Variants in TNIK observed in about 807,000 individuals in gnomAD.
TNIK encodes TRAF2 and NCK interacting kinase.
TNIK carries 49 observed loss-of-function variants against 191.3 expected under a neutral mutation model. The ratio of observed to expected loss-of-function variants is 0.26; its 90% CI spans 0.20 to 0.32. The LOEUF is 0.32. Ranked by LOEUF, TNIK falls within the 10% of genes least tolerant of loss-of-function variation. The pLI is 1.00. For missense variants in TNIK, 1,155 were observed against 1,702.3 expected (o/e 0.68, Z 5.66); for synonymous variants, 594 against 600.9 (o/e 0.99, Z 0.17).
intron 1 of TNIK, among the ~76,000 whole-genome samples, chr3:171,458,368 A>T (rs1324740388): frequency 1.3e-5 from 2 of 152,124 alleles, no homozygotes; most frequent in Non-Finnish European, 2.9e-5. Flanking sequence ...TTGATGTGGC[A>T]TTTCCACTCC....
rs1294026006 is a variant in TNIK at position 171,457,733 on chromosome 3, T to C, written c.57+2274A>G. 2.0e-5 allele frequency among the ~76,000 whole-genome samples: 3 copies of C among 152,220 alleles called. No individual in the cohort carries two copies. In the East Asian group the frequency reaches 5.8e-4, roughly 29 times the overall value. ...TCTCCACATCTGCATCTAAGTCTTC[T>C]AGCCAGCAGTTCCTGGTCCCCAAGC... On this transcript the variant is annotated intron_variant, in intron 1 of 32. Transcript: ENST00000436636.
chr3:171,254,076 A>G (rs1281431222), intron 2 of TNIK, among the ~76,000 whole-genome samples: 2 of 152,222 alleles, frequency 1.3e-5, no homozygotes, highest in Non-Finnish European at 2.9e-5. Context: ...CCCAAAGTGC[A>G]AATGATTAAT....
At chr3:171,311,379 G>A (rs879523730) in intron 2 of TNIK, among the ~76,000 whole-genome samples, 5 of 152,154 alleles carry the variant, frequency 3.3e-5, no homozygotes, top group Non-Finnish European at 7.4e-5. Flanking sequence ...ACAAGCTCAC[G>A]AGTAAGCACC....
intron 1 of TNIK, among the ~76,000 whole-genome samples, chr3:171,426,214 AC>A (rs1724557879): frequency 6.6e-6 from 1 of 151,944 alleles, no homozygotes; most frequent in African/African-American, 2.4e-5. Flanking sequence ...ACCATGGAAT[AC>A]AATGCAGCCA....
At chr3:171,154,508 A>T (rs1732917329) in intron 12 of TNIK, among the ~76,000 whole-genome samples, 1 of 151,920 alleles carries the variant, frequency 6.6e-6, no homozygotes. Flanking sequence ...GAATGTGCTC[A>T]GCAATTTGAA....
intron 2 of TNIK, among the ~76,000 whole-genome samples, chr3:171,240,760 C>T (rs1577220227): frequency 6.6e-6 from 1 of 152,190 alleles, no homozygotes; most frequent in East Asian, 1.9e-4. Context: ...AACTTCAACT[C>T]CACTTTAACT....
chr3:171,079,380 A>G (rs1328290502), intron 28 of TNIK, 138 bp downstream of exon 28: 2 of 986,688 alleles, frequency 2.0e-6, no homozygotes, highest in Admixed American at 3.4e-5. Flanking sequence ...AATATAAATA[A>G]TGCTGAAGGT....
intron 2 of TNIK, among the ~76,000 whole-genome samples, chr3:171,335,161 T>C (rs1191072745): frequency 2.6e-5 from 4 of 152,236 alleles, no homozygotes; most frequent in African/African-American, 9.6e-5. Flanking sequence ...TTTATTCATA[T>C]TTCTATCCCC....
At chr3:171,105,837 A>G (rs1352505168) in intron 21 of TNIK, among the ~76,000 whole-genome samples, 1 of 152,158 alleles carries the variant, frequency 6.6e-6, no homozygotes, top group Non-Finnish European at 1.5e-5. Flanking sequence ...CAACTGTAGC[A>G]CCAGAACTTC....
chr3:171,460,192 C>G lies in TNIK; in HGVS notation c.-129G>C. 8.5e-7 allele frequency: 1 copy of G among 1,181,256 alleles called. No individual in the cohort carries two copies. The allele number at this position is 1,181,256 out of a possible 1,614,324, so 73.2% of individuals were successfully genotyped here. A position where few individuals can be genotyped will look rare whatever the true frequency, so the allele number is the denominator to read the frequency against. The stretch of plus-strand genomic sequence containing the variant: ...CCAGAGGCCCCGGGCCCAGCCTCCC[C>G]CGCCCACCCCAGCCCCACAGCGCCG... On this transcript the variant is annotated 5_prime_UTR_variant, in exon 1 of 33. Coordinates refer to ENST00000436636, the MANE Select transcript of TNIK (RefSeq NM_015028.4). The surrounding 1 kb of genome is among the most constrained non-coding windows in gnomAD (Gnocchi z 6.8).
chr3:171,458,010 C>T (rs1331273375), intron 1 of TNIK, among the ~76,000 whole-genome samples: 1 of 152,160 alleles, frequency 6.6e-6, no homozygotes, highest in Non-Finnish European at 1.5e-5. Flanking sequence ...AGGAAAAAGC[C>T]CATAAGGGAC....
At chr3:171,253,013 G>A (rs1052672949) in intron 2 of TNIK, among the ~76,000 whole-genome samples, 1 of 151,796 alleles carries the variant, frequency 6.6e-6, no homozygotes, top group Non-Finnish European at 1.5e-5. Flanking sequence ...ACAGTGGCTC[G>A]TGCCTGTAAT....
At chr3:171,170,410 G>T (rs78926800) in intron 9 of TNIK, among the ~76,000 whole-genome samples, 3 of 152,098 alleles carry the variant, frequency 2.0e-5, no homozygotes, top group Non-Finnish European at 2.9e-5. Flanking sequence ...CTCCCTAAAC[G>T]CAATTTGGCC....
chr3:171,211,327 CTTG>C (rs1740790826), intron 3 of TNIK, 86 bp from the exon 4 acceptor site: 3 of 1,426,142 alleles, frequency 2.1e-6, no homozygotes, highest in Non-Finnish European at 2.8e-6. Flanking sequence ...TAAATTTTTT[CTTG>C]TTTTTTCTTC....
At chr3:171,353,293 G>A (rs986441631) in intron 2 of TNIK, among the ~76,000 whole-genome samples, 1 of 152,144 alleles carries the variant, frequency 6.6e-6, no homozygotes, top group African/African-American at 2.4e-5. Flanking sequence ...GGTGTCAAAA[G>A]GTTGTGGGTT....
intron 1 of TNIK, among the ~76,000 whole-genome samples, chr3:171,394,889 A>G (rs1043427940): frequency 6.6e-6 from 1 of 152,202 alleles, no homozygotes; most frequent in African/African-American, 2.4e-5. Context: ...ACAGTCTCGC[A>G]CCTAAGATTC....
intron 1 of TNIK, among the ~76,000 whole-genome samples, chr3:171,436,019 T>C (rs1725988246): frequency 6.6e-6 from 1 of 152,146 alleles, no homozygotes; most frequent in African/African-American, 2.4e-5. Flanking sequence ...ACATGCAGAC[T>C]TAATCTATAT....
At chr3:171,386,612 C>T (rs1718771877) in intron 1 of TNIK, among the ~76,000 whole-genome samples, 2 of 152,112 alleles carry the variant, frequency 1.3e-5, no homozygotes, top group Admixed American at 1.3e-4. Context: ...ATAAATGCTT[C>T]TTATTTCACC....
chr3:171,269,632 G>A (rs1054903509), intron 2 of TNIK, among the ~76,000 whole-genome samples: 2 of 152,148 alleles, frequency 1.3e-5, no homozygotes, highest in Non-Finnish European at 2.9e-5. Flanking sequence ...CTCAAAATAT[G>A]ATTTCTTTCT....
Sources: allele counts gnomAD v4.1 joint callset (sites outside exome capture counted in the v4.1 genomes callset), GRCh38; gene constraint gnomAD v4.1.1; non-coding constraint Gnocchi (gnomAD v3.1); transcripts MANE v1.5; gene names NCBI Gene and HGNC (gene_info 2026-07-23, HGNC 2026-07-21).